STXBP4: variants seen among roughly 807,000 people sequenced by gnomAD.
STXBP4 encodes the protein syntaxin binding protein 4, also known as syntaxin-binding protein 4.
Under a neutral mutation model 76.1 loss-of-function variants are expected in STXBP4, and 55 were observed. The observed-to-expected ratio is 0.72, with a 90% CI of 0.58 to 0.91. The LOEUF (loss-of-function observed/expected upper bound fraction) is 0.91, where lower values mean the gene tolerates loss of function less well. Ranked by LOEUF, STXBP4 falls within the 40% of genes least tolerant of loss-of-function variation. STXBP4 has a pLI of 0.00. For missense variants in STXBP4, 618 were observed against 636.9 expected (o/e 0.97, Z 0.32); for synonymous variants, 201 against 220.2 (o/e 0.91, Z 0.77).
chr17:55,158,413 T>C (rs1236230489), intron 17 of STXBP4, among the ~76,000 whole-genome samples: 1 of 152,164 alleles, frequency 6.6e-6, no homozygotes, highest in Admixed American at 6.5e-5. Context: ...GGACGAAGGC[T>C]AGGGAAACTG....
intron 10 of STXBP4, among the ~76,000 whole-genome samples, chr17:55,036,900 A>G (rs1598245308): frequency 6.6e-6 from 1 of 152,156 alleles, no homozygotes; most frequent in African/African-American, 2.4e-5. Flanking sequence ...CCAGAAACAC[A>G]GAGTATATAA....
At chr17:55,022,750 T>C (rs2078337097) in intron 8 of STXBP4, among the ~76,000 whole-genome samples, 1 of 146,412 alleles carries the variant, frequency 6.8e-6, no homozygotes, top group African/African-American at 2.6e-5. Context: ...GCAAAAGTAC[T>C]AAGACAGGAT....
At chr17:55,089,198 T>G (rs2079378416) in intron 16 of STXBP4, among the ~76,000 whole-genome samples, 1 of 152,214 alleles carries the variant, frequency 6.6e-6, no homozygotes, top group African/African-American at 2.4e-5. Flanking sequence ...TGGATGTTGT[T>G]GTTGTTGTTG....
the STXBP4 span, among the ~76,000 whole-genome samples, chr17:55,200,569 A>G: frequency 1.4e-4 from 22 of 152,186 alleles, no homozygotes; most frequent in African/African-American, 5.3e-4. Context: ...GTTGCTCAAG[A>G]TCACAAATTA....
chr17:55,080,172 C>T (rs2079238260), intron 15 of STXBP4, among the ~76,000 whole-genome samples: 1 of 152,128 alleles, frequency 6.6e-6, no homozygotes, highest in Non-Finnish European at 1.5e-5. Context: ...CCTGCCCTTG[C>T]CTTAAACTGC....
At chr17:55,158,610 A>G (rs1413446298) in intron 17 of STXBP4, among the ~76,000 whole-genome samples, 1 of 152,216 alleles carries the variant, frequency 6.6e-6, no homozygotes, top group African/African-American at 2.4e-5. Context: ...CCAGGTTAAG[A>G]GCATGATTTC....
At chr17:55,127,533 T>C (rs1406991415) in intron 16 of STXBP4, among the ~76,000 whole-genome samples, 1 of 152,226 alleles carries the variant, frequency 6.6e-6, no homozygotes, top group African/African-American at 2.4e-5. Flanking sequence ...AGTGATAAAC[T>C]ATACAGTCAG....
At chr17:55,130,100 C>CA (rs1439703609) in intron 16 of STXBP4, among the ~76,000 whole-genome samples, 4 of 151,840 alleles carry the variant, frequency 2.6e-5, no homozygotes, top group Non-Finnish European at 5.9e-5. Context: ...TGATGGCCAG[C>CA]AAAAAAACAG....
At position 55,097,393 on chromosome 17, in the gene STXBP4, G is replaced by C. The variant is rs184690090; in HGVS notation, c.1489+16210G>C. ...AATTGCCTGTAGTTGACCGGGCGCG[G>C]TGGCTCATGCCTGTAATCCCAGCAC... On this transcript the variant is annotated intron_variant, in intron 16 of 17. Coordinates refer to ENST00000376352, the MANE Select transcript of STXBP4 (RefSeq NM_178509.6). 1.5e-3 allele frequency among the ~76,000 whole-genome samples: 228 copies of C among 152,242 alleles called. 1 individual carries two copies. The highest frequency in any genetic ancestry group is 7.9e-4 in the Non-Finnish European group (54 of 68,016).
intron 17 of STXBP4, among the ~76,000 whole-genome samples, chr17:55,154,852 G>A: frequency 6.6e-6 from 1 of 151,860 alleles, no homozygotes; most frequent in Admixed American, 6.6e-5. Flanking sequence ...TGATAGCTCA[G>A]ACCTAAATAT....
intron 16 of STXBP4, among the ~76,000 whole-genome samples, chr17:55,104,240 C>A (rs1219434728): frequency 6.6e-6 from 1 of 152,296 alleles, no homozygotes; most frequent in East Asian, 1.9e-4. Context: ...TTTGCCCATT[C>A]AGTATGATAT....
intron 1 of STXBP4, among the ~76,000 whole-genome samples, chr17:54,970,084 G>C (rs1337491979): frequency 2.0e-5 from 3 of 152,178 alleles, no homozygotes; most frequent in Non-Finnish European, 4.4e-5. Flanking sequence ...CCAGGGGAAG[G>C]AAAGAGATAG....
chr17:55,209,096 A>T, the STXBP4 span, among the ~76,000 whole-genome samples: 266 of 152,240 alleles, frequency 1.7e-3, 1 homozygote, highest in African/African-American at 5.7e-3. Flanking sequence ...AATTTTTTTT[A>T]AAAATTTAAG....
At chr17:54,971,916 C>T (rs1030436994) in intron 1 of STXBP4, among the ~76,000 whole-genome samples, 2 of 152,114 alleles carry the variant, frequency 1.3e-5, no homozygotes, top group Admixed American at 6.5e-5. Context: ...AGCCACCGCA[C>T]CCAGCCTTAT....
intron 16 of STXBP4, among the ~76,000 whole-genome samples, chr17:55,098,879 C>T (rs1233838773): frequency 1.3e-5 from 2 of 152,164 alleles, no homozygotes; most frequent in African/African-American, 4.8e-5. Flanking sequence ...TGATCTTGAA[C>T]GTCTTCTTTA....
At chr17:55,045,054 G>A (rs1006683214) in intron 11 of STXBP4, among the ~76,000 whole-genome samples, 6 of 151,798 alleles carry the variant, frequency 4.0e-5, no homozygotes, top group African/African-American at 1.5e-4. Context: ...GTATCTTTGG[G>A]CATTTGTACA....
chr17:55,207,447 C>G, the STXBP4 span, among the ~76,000 whole-genome samples: 8 of 152,326 alleles, frequency 5.3e-5, no homozygotes, highest in East Asian at 1.5e-3. Flanking sequence ...TTTCCTCCCA[C>G]ACAGGAATGA....
At chr17:55,198,477 A>T in the STXBP4 span, among the ~76,000 whole-genome samples, 82 of 149,750 alleles carry the variant, frequency 5.5e-4, no homozygotes, top group Admixed American at 9.3e-4. Context: ...CTTAAACTTT[A>T]AAAAAAAAGT....
intron 16 of STXBP4, among the ~76,000 whole-genome samples, chr17:55,094,826 A>T (rs886837810): frequency 6.6e-6 from 1 of 152,214 alleles, no homozygotes; most frequent in Non-Finnish European, 1.5e-5. Context: ...GCAAACATAG[A>T]CAGTTCTTCA....
Sources: allele counts gnomAD v4.1 joint callset (sites outside exome capture counted in the v4.1 genomes callset), GRCh38; gene constraint gnomAD v4.1.1; transcripts MANE v1.5; gene names NCBI Gene and HGNC (gene_info 2026-07-23, HGNC 2026-07-21).